Variants in CDC37 observed in about 807,000 individuals in gnomAD.
CDC37 encodes cell division cycle 37, HSP90 cochaperone, also known as hsp90 co-chaperone Cdc37.
A neutral mutation model predicts 46.9 loss-of-function variants in CDC37; 9 were observed. The ratio of observed to expected loss-of-function variants is 0.19; its 90% confidence interval spans 0.12 to 0.33. The LOEUF is 0.33. CDC37 is among the 10% of genes least tolerant of loss of function. The pLI, the probability that CDC37 is intolerant of heterozygous loss-of-function variation, is 1.00. For synonymous variants in CDC37, 193 were observed against 191.0 expected (o/e 1.01, Z -0.09); for missense variants, 388 against 514.6 (o/e 0.75, Z 2.38).
Position 10,391,417 on chromosome 19 carries a change from C to T in CDC37, c.*134G>A. 9.6e-7 allele frequency: 1 copy of T among 1,042,136 alleles called. No individual in the cohort carries two copies. Among genetic ancestry groups the T allele is most frequent in the Non-Finnish European group, 1.5e-6 (1 of 681,452 alleles). 64.6% of individuals were successfully genotyped at this position (1,042,136 alleles called of 1,614,324 possible). A position where few individuals can be genotyped will look rare whatever the true frequency, so the allele number is the denominator to read the frequency against. ...GAGACAGTGGAGAGGCCAGGGAGGG[C>T]TGGGCGGGCCCCCCAGGCTGGGCCG... On this transcript the variant is annotated 3_prime_UTR_variant, in exon 8 of 8. Coordinates refer to ENST00000222005, the MANE Select transcript of CDC37 (RefSeq NM_007065.4).
intron 1 of CDC37, among the ~76,000 whole-genome samples, chr19:10,397,706 C>T (rs1041968806): frequency 1.3e-5 from 2 of 152,018 alleles, no homozygotes; most frequent in Non-Finnish European, 2.9e-5. Flanking sequence ...CACCAGGGCC[C>T]CTTCTAGATG....
Position 10,392,935 on chromosome 19 carries a change from T to C in CDC37, c.981+151A>G, listed in dbSNP as rs1467478440. On this transcript the variant is annotated intron_variant, in intron 7 of 7. Coordinates refer to ENST00000222005, the MANE Select transcript of CDC37 (RefSeq NM_007065.4). ...TGGGATACAGTAGGTGCTCAATATATGTGGGTGTGTGCCAAGGTGACACGA... is the reference window on the plus strand; with the variant it reads ...TGGGATACAGTAGGTGCTCAATATACGTGGGTGTGTGCCAAGGTGACACGA... The C allele has an allele frequency of 8.9e-6, 6 of 673,508 alleles. No homozygotes were observed. The East Asian group carries it at 1.5e-4, about 17-fold the overall frequency. 41.7% of individuals were successfully genotyped at this position (673,508 alleles called of 1,614,324 possible).
Position 10,395,934 on chromosome 19 carries a change from G to GA in CDC37, c.371dup (p.Ser125GlnfsTer46), listed in dbSNP as rs1265504245. On this transcript the variant is annotated frameshift_variant, in exon 2 of 8. Transcript: ENST00000222005. LOFTEE classifies it high-confidence loss of function. The stretch of plus-strand genomic sequence containing the variant: ...CCCCGCCCGCCCCGCACACCTTGCT[G>GA]AAGCCGTCTTTGCTGAGCGTGTCCA... 6.4e-7 allele frequency: 1 copy of GA among 1,551,102 alleles called. No individual in the cohort carries two copies. Among genetic ancestry groups the GA allele is most frequent in the Non-Finnish European group, 8.8e-7 (1 of 1,137,202 alleles).
In CDC37 at chr19:10,395,502, T is replaced by C. The variant is rs2042483387; in HGVS notation, c.420A>G (p.Ser140=). The C allele has an allele frequency of 6.2e-7, 1 of 1,614,060 alleles. No individual in the cohort carries two copies. The highest frequency in any genetic ancestry group is 1.3e-5 in the African/African-American group (1 of 74,956). The stretch of plus-strand genomic sequence containing the variant: ...TGTGTTTCTGCTCCCTCACCTCCTC[T>C]GAGTCCTCCTCCGTCTTCTCGGGCT... ...NTKPEKTEED[S]EEVREQKHKT... Residue 140 remains serine, a synonymous_variant, in exon 3 of 8, where the codon TCA becomes TCG. Transcript: ENST00000222005.
At chr19:10,402,434 G>C (rs1434790489) in intron 1 of CDC37, among the ~76,000 whole-genome samples, 2 of 152,034 alleles carry the variant, frequency 1.3e-5, no homozygotes, top group African/African-American at 4.8e-5. Context: ...GGGTCACAGA[G>C]TAGCTAACAG....
chr19:10,392,107 T>C (rs1294182068), intron 7 of CDC37, among the ~76,000 whole-genome samples: 4 of 152,226 alleles, frequency 2.6e-5, no homozygotes, highest in African/African-American at 4.8e-5. Context: ...CAGCTGGAAA[T>C]TTAAATTTTA....
In CDC37 at chr19:10,391,556, C is replaced by T; in HGVS notation, c.1132G>A (p.Val378Met). 4 of 1,614,222 alleles carry T rather than the reference C, an allele frequency of 2.5e-6. No homozygotes were observed. Among genetic ancestry groups the T allele is most frequent in the Non-Finnish European group, 3.4e-6 (4 of 1,180,036 alleles). Residue 378 changes from valine (V) to methionine (M), a missense_variant, in exon 8 of 8, where the codon GTG (valine) becomes ATG (methionine). Coordinates refer to ENST00000222005, the MANE Select transcript of CDC37 (RefSeq NM_007065.4). ...GCGGTGGTAGCTGGGGCAGGTCACA[C>T]ACTGACATCCTTCTCATCGCCCGTC... ...PKTGDEKDVS[V>M]
At chr19:10,402,993 C>A (rs538090904) in intron 1 of CDC37, among the ~76,000 whole-genome samples, 1 of 152,134 alleles carries the variant, frequency 6.6e-6, no homozygotes, top group East Asian at 1.9e-4. Flanking sequence ...GAAGTGAATA[C>A]CCGAATAGGA....
intron 1 of CDC37, among the ~76,000 whole-genome samples, chr19:10,399,931 T>TAAAAAAAAAAA (rs56162717): frequency 1.0e-4 from 5 of 48,320 alleles, no homozygotes; most frequent in African/African-American, 3.3e-4. Context: ...GACTCCGTCT[T>TAAAAAAAAAAA]AAAAAAAAAA....
Position 10,399,460 on chromosome 19 carries a change from T to C in CDC37, c.103-3257A>G, listed in dbSNP as rs541107569. Reference sequence around the variant, plus strand: ...GCCTGGGCGACAGAGCATGACCCTGTCTGAAAAAAAAAAAAAAAAAAAAAA... The same window carrying C: ...GCCTGGGCGACAGAGCATGACCCTGCCTGAAAAAAAAAAAAAAAAAAAAAA... On this transcript the variant is annotated intron_variant, in intron 1 of 7. Transcript: ENST00000222005. Among the ~76,000 whole-genome samples, 229 of 94,152 alleles carry C rather than the reference T, an allele frequency of 2.4e-3. 1 individual carries two copies. The highest frequency in any genetic ancestry group is 0.01 in the African/African-American group (222 of 21,804). 61.8% of individuals were successfully genotyped at this position (94,152 alleles called of 152,430 possible).
chr19:10,392,077 C>T (rs2042460187), intron 7 of CDC37, among the ~76,000 whole-genome samples: 1 of 152,236 alleles, frequency 6.6e-6, no homozygotes, highest in South Asian at 2.1e-4. Flanking sequence ...ACTGAGATTA[C>T]AGGCGTGAGC....
chr19:10,391,627 C>G lies in CDC37; in HGVS notation c.1061G>C (p.Gly354Ala). ...PNSKASEAKE[G>A]EEAGPGDPLL... ...TGGGTCCCCAGGACCTGCCTCCTCT[C>G]CCTCCTTGGCCTCGCTGGCCTTAGA... is the stretch of plus-strand genomic sequence containing the variant. The change falls in exon 8 of 8, where the codon GGA becomes GCA. Residue 354 changes from glycine (G) to alanine (A), a missense_variant. By Grantham distance (60) the Gly-to-Ala change is moderately conservative. Around this residue, in one of 2 missense-constraint regions of CDC37, gnomAD observed 374 missense variants for 467.4 expected, o/e 0.80. Coordinates refer to ENST00000222005, the MANE Select transcript of CDC37 (RefSeq NM_007065.4). 8 of 1,614,208 alleles carry G rather than the reference C, an allele frequency of 5.0e-6. No homozygotes were observed. The highest frequency in any genetic ancestry group is 6.8e-6 in the Non-Finnish European group (8 of 1,180,026).
At chr19:10,402,296 G>C (rs1399085668) in intron 1 of CDC37, among the ~76,000 whole-genome samples, 2 of 152,100 alleles carry the variant, frequency 1.3e-5, no homozygotes, top group Non-Finnish European at 2.9e-5. Flanking sequence ...AGGGTGGTGG[G>C]ACATGGATCA....
Position 10,393,571 on chromosome 19 carries a change from A to C in CDC37, c.727-130T>G, listed in dbSNP as rs1408808007. 2 of 972,946 alleles carry C rather than the reference A, an allele frequency of 2.1e-6. No individual in the cohort carries two copies. Among genetic ancestry groups the C allele is most frequent in the African/African-American group, 1.6e-5 (1 of 60,890 alleles). The allele number at this position is 972,946 out of a possible 1,614,324, so 60.3% of individuals were successfully genotyped here. On this transcript the variant is annotated intron_variant, in intron 5 of 7. Transcript: ENST00000222005. The surrounding 1 kb of genome is among the most constrained non-coding windows in gnomAD (Gnocchi z 4.9). ...CCCAAGTCTATTCCTGACCTACATG[A>C]AGGGCTCCCCAAGGCCTGGGCTCCC...
Position 10,395,102 on chromosome 19 carries a change from G to T in CDC37, c.645C>A (p.Val215=). 6.4e-7 allele frequency: 1 copy of T among 1,574,752 alleles called. No homozygotes were observed. Among genetic ancestry groups the T allele is most frequent in the Non-Finnish European group, 8.6e-7 (1 of 1,157,436 alleles). Residue 215 remains valine, a synonymous_variant, in exon 5 of 8, where the codon GTC becomes GTA. Coordinates refer to ENST00000222005, the MANE Select transcript of CDC37 (RefSeq NM_007065.4). ...TGGCCAGCTCCAGGATAAATTGCAT[G>T]ACGATTGTCTGGTGGGCCACCTGCT... is the stretch of plus-strand genomic sequence containing the variant. ...LMEQVAHQTI[V]MQFILELAKS...
chr19:10,394,150 G>A (rs1330030270), intron 5 of CDC37, among the ~76,000 whole-genome samples: 2 of 152,132 alleles, frequency 1.3e-5, no homozygotes, highest in Non-Finnish European at 2.9e-5. Flanking sequence ...TGTAATCCCA[G>A]CTACTTGGGA....
chr19:10,402,252 G>A (rs2042523222), intron 1 of CDC37, among the ~76,000 whole-genome samples: 1 of 151,150 alleles, frequency 6.6e-6, no homozygotes, highest in Non-Finnish European at 1.5e-5. Flanking sequence ...AAACCTTTAA[G>A]TCTTAGTCAT....
rs1385485303 is a variant in CDC37, at chr19:10,391,314, G to A, written c.*237C>T. On this transcript the variant is annotated 3_prime_UTR_variant, in exon 8 of 8. Coordinates refer to ENST00000222005, the MANE Select transcript of CDC37 (RefSeq NM_007065.4). ...CCCTTCCCCGGACCCCCGGGCCTTT[G>A]GCATAATGCTGATGGGGGGCTGCAG... 3 of 547,848 alleles carry A rather than the reference G, an allele frequency of 5.5e-6. No homozygotes were observed. In the African/African-American group the frequency reaches 5.7e-5, roughly 10 times the overall value. The allele number at this position is 547,848 out of a possible 1,614,324, so 33.9% of individuals were successfully genotyped here.
chr19:10,395,558 GA>G lies in CDC37; in HGVS notation c.379-16del, dbSNP rs2042483954. On this transcript the variant is annotated splice_polypyrimidine_tract_variant and intron_variant, in intron 2 of 7. Transcript: ENST00000222005. ...TTTACCATGCTCTGTGGTAGGGTGA[GA>G]GGGGGAGTGGGCTGGGGCAAGGCTG... 6.3e-7 allele frequency: 1 copy of G among 1,590,688 alleles called. No individual in the cohort carries two copies. Among genetic ancestry groups the G allele is most frequent in the African/African-American group, 1.3e-5 (1 of 74,478 alleles).
Sources: gnomAD v4.1 joint callset for allele counts (sites outside exome capture counted in the v4.1 genomes callset) on GRCh38, gnomAD v4.1.1 for gene constraint, gnomAD v4.1.1 regional missense constraint, Gnocchi (gnomAD v3.1) non-coding constraint, MANE v1.5 for transcripts, NCBI Gene and HGNC (gene_info 2026-07-23, HGNC 2026-07-21) for gene names.